Variants in FARS2 observed in about 807,000 individuals in gnomAD.
The protein encoded by FARS2 is phenylalanine--tRNA ligase, mitochondrial.
A neutral mutation model predicts 46.4 loss-of-function variants in FARS2; 40 were observed. That is an observed-to-expected ratio of 0.86 (90% CI 0.67 to 1.12). The LOEUF is 1.12. Among genes scored for constraint, FARS2 ranks in the 50% most tolerant of loss-of-function variants. FARS2 has a pLI of 0.00. For missense variants in FARS2, 513 were observed against 567.9 expected (o/e 0.90, Z 0.98); for synonymous variants, 234 against 214.9 (o/e 1.09, Z -0.78).
At chr6:5,643,313 G>A (rs76681209) in intron 6 of FARS2, among the ~76,000 whole-genome samples, 3,512 of 152,236 alleles carry the variant, frequency 0.023, 117 homozygotes, top group African/African-American at 0.079. Context: ...CGCTGCCACA[G>A]CACACTGAGG....
At chr6:5,369,537 G>A (rs1471087636) in intron 2 of FARS2, among the ~76,000 whole-genome samples, 2 of 152,142 alleles carry the variant, frequency 1.3e-5, no homozygotes, top group Non-Finnish European at 2.9e-5. Context: ...ATGGAAACCT[G>A]TGGTCAGGTC....
chr6:5,429,011 A>G (rs996587748), intron 3 of FARS2, among the ~76,000 whole-genome samples: 4 of 152,214 alleles, frequency 2.6e-5, no homozygotes, highest in African/African-American at 9.7e-5. Flanking sequence ...TTTTTATAAA[A>G]TTCTAGGAAA....
chr6:5,313,324 C>T (rs1050608561), intron 1 of FARS2, among the ~76,000 whole-genome samples: 2 of 152,140 alleles, frequency 1.3e-5, no homozygotes, highest in African/African-American at 4.8e-5. Context: ...TTCTAGTTTC[C>T]CAGTGACTTC....
At chr6:5,304,920 T>A (rs1418865305) in intron 1 of FARS2, among the ~76,000 whole-genome samples, 1 of 152,174 alleles carries the variant, frequency 6.6e-6, no homozygotes, top group East Asian at 1.9e-4. Flanking sequence ...AGTGGCTCCC[T>A]TCTTTTTGGG....
intron 6 of FARS2, among the ~76,000 whole-genome samples, chr6:5,746,938 C>T (rs1452700083): frequency 1.3e-5 from 2 of 152,058 alleles, no homozygotes; most frequent in Non-Finnish European, 2.9e-5. Flanking sequence ...GATGGGAGAG[C>T]GTGTGCAGTT....
At chr6:5,721,134 T>C (rs1759877187) in intron 6 of FARS2, among the ~76,000 whole-genome samples, 1 of 152,244 alleles carries the variant, frequency 6.6e-6, no homozygotes, top group Admixed American at 6.5e-5. Flanking sequence ...AATAAAACCA[T>C]TGCATATTAA....
intron 4 of FARS2, among the ~76,000 whole-genome samples, chr6:5,478,332 A>G (rs1766247697): frequency 6.6e-6 from 1 of 152,222 alleles, no homozygotes; most frequent in East Asian, 1.9e-4. Context: ...GGTGGTGATC[A>G]TATATCTTTC....
chr6:5,444,185 C>T (rs1562044977), intron 4 of FARS2, among the ~76,000 whole-genome samples: 1 of 151,626 alleles, frequency 6.6e-6, no homozygotes, highest in Non-Finnish European at 1.5e-5. Flanking sequence ...AATTTTAGCG[C>T]AGGCTGGGTG....
At chr6:5,316,318 A>G (rs1769514862) in intron 1 of FARS2, among the ~76,000 whole-genome samples, 3 of 152,238 alleles carry the variant, frequency 2.0e-5, no homozygotes, top group African/African-American at 7.2e-5. Context: ...ATGTTTTGGA[A>G]GTTGTGAACA....
At chr6:5,643,676 C>T (rs898911620) in intron 6 of FARS2, among the ~76,000 whole-genome samples, 1 of 152,158 alleles carries the variant, frequency 6.6e-6, no homozygotes, top group African/African-American at 2.4e-5. Context: ...GTTTGGGTTG[C>T]TAAGACTACA....
chr6:5,394,914 A>G (rs1760804903), intron 2 of FARS2, among the ~76,000 whole-genome samples: 2 of 152,100 alleles, frequency 1.3e-5, no homozygotes, highest in Admixed American at 1.3e-4. Flanking sequence ...CTAAAAAAGG[A>G]TGATCTGCGT....
At chr6:5,666,677 G>T (rs1426037775) in intron 6 of FARS2, among the ~76,000 whole-genome samples, 1 of 152,130 alleles carries the variant, frequency 6.6e-6, no homozygotes, top group Non-Finnish European at 1.5e-5. Context: ...GTTCCTCAAA[G>T]ACCTAAAAAC....
chr6:5,735,861 G>T (rs1394249026), intron 6 of FARS2, among the ~76,000 whole-genome samples: 2 of 152,196 alleles, frequency 1.3e-5, no homozygotes, highest in African/African-American at 4.8e-5. Flanking sequence ...TCATAAGGAA[G>T]TTAAGAGTGT....
At chr6:5,582,346 A>G (rs935749605) in intron 5 of FARS2, among the ~76,000 whole-genome samples, 30 of 152,254 alleles carry the variant, frequency 2.0e-4, no homozygotes, top group Non-Finnish European at 4.0e-4. Flanking sequence ...ACATAACTGG[A>G]TGCTAACATA....
chr6:5,374,010 G>A (rs573108618), intron 2 of FARS2, among the ~76,000 whole-genome samples: 94 of 152,104 alleles, frequency 6.2e-4, no homozygotes, highest in African/African-American at 2.2e-3. Flanking sequence ...TTTTTTAGAT[G>A]TGATAAATGG....
At chr6:5,423,498 CA>C (rs1465702450) in intron 3 of FARS2, among the ~76,000 whole-genome samples, 1 of 152,012 alleles carries the variant, frequency 6.6e-6, no homozygotes, top group Admixed American at 6.6e-5. Flanking sequence ...TTCTGCCAAG[CA>C]GAAGAATAAT....
intron 1 of FARS2, among the ~76,000 whole-genome samples, chr6:5,359,773 C>T (rs184856452): frequency 6.6e-6 from 1 of 152,344 alleles, no homozygotes; most frequent in East Asian, 1.9e-4. Context: ...AAAATACTTA[C>T]ATTTATCCAT....
At position 5,668,169 on chromosome 6, in the gene FARS2, TCAAGG is replaced by T. The variant is rs1173383676; in HGVS notation, c.1217+54850_1217+54854del. 2.6e-5 allele frequency: 4 copies of T among 152,252 alleles called. 1 individual carries two copies. The highest frequency in any genetic ancestry group is 9.6e-5 in the African/African-American group (4 of 41,466). The allele number at this position is 152,252 out of a possible 1,614,324, so 9.4% of individuals were successfully genotyped here. ...AAAACAGATGAGAGGCTTTCTTCCC[TCAAGG>T]GATGATGTGGGGTTTAGTAGCTTCA... On this transcript the variant is annotated intron_variant, in intron 6 of 6. Transcript: ENST00000274680.
intron 1 of FARS2, among the ~76,000 whole-genome samples, chr6:5,348,905 T>C (rs924508874): frequency 7.4e-6 from 1 of 135,796 alleles, no homozygotes; most frequent in Non-Finnish European, 1.6e-5. Flanking sequence ...GCTTTCCCTC[T>C]AAGATTGGGA....
Sources: allele counts gnomAD v4.1 joint callset (sites outside exome capture counted in the v4.1 genomes callset), GRCh38; gene constraint gnomAD v4.1.1; transcripts MANE v1.5; gene names NCBI Gene and HGNC (gene_info 2026-07-23, HGNC 2026-07-21).